Variants in PHTF2 observed in about 807,000 individuals in gnomAD.
PHTF2 encodes protein PHTF2.
Under a neutral mutation model 101.2 loss-of-function variants are expected in PHTF2, and 60 were observed. The observed-to-expected ratio is 0.59, with a 90% confidence interval of 0.48 to 0.73. The LOEUF (loss-of-function observed/expected upper bound fraction) is 0.73. PHTF2 is among the 30% of genes least tolerant of loss of function. The probability of loss-of-function intolerance (pLI) is 0.00; values close to 1 mark genes in which losing one functional copy is unlikely to be tolerated. For missense variants in PHTF2, 747 were observed against 908.7 expected, an observed-to-expected ratio of 0.82 and a Z score of 2.29; for synonymous variants, 311 against 307.3, an observed-to-expected ratio of 1.01 and a Z score of -0.13.
chr7:77,910,544 A>G (rs1197035365), intron 9 of PHTF2, 135 bp downstream of exon 8: 2 of 629,824 alleles, frequency 3.2e-6, no homozygotes, highest in East Asian at 2.8e-5. Context: ...ATAAATTATA[A>G]TAGTATAGAT....
At chr7:77,931,479 G>GT (rs1205894885) in intron 12 of PHTF2, among the ~76,000 whole-genome samples, 1 of 152,188 alleles carries the variant, frequency 6.6e-6, no homozygotes, top group Non-Finnish European at 1.5e-5. Flanking sequence ...AGTGAAGATG[G>GT]TCAGCCTTGC....
At chr7:77,898,063 CTATT>C (rs1801040477) in intron 5 of PHTF2, among the ~76,000 whole-genome samples, 2 of 150,854 alleles carry the variant, frequency 1.3e-5, no homozygotes, top group African/African-American at 4.9e-5. Flanking sequence ...TTGAAACTGG[CTATT>C]AGGGTGTGGC....
chr7:77,929,390 A>G lies in PHTF2; in HGVS notation c.1338+63A>G. 3.7e-6 allele frequency: 3 copies of G among 820,504 alleles called. No homozygotes were observed. The South Asian group carries it at 4.6e-5, about 13-fold the overall frequency. The allele number at this position is 820,504 out of a possible 1,614,324, so 50.8% of individuals were successfully genotyped here. A position where few individuals can be genotyped will look rare whatever the true frequency, so the allele number is the denominator to read the frequency against. On this transcript the variant is annotated intron_variant, in intron 12 of 19. Coordinates refer to ENST00000416283, the Ensembl canonical transcript of PHTF2. ...CAAGCTCCTTTGAATTTATGTTCAAATGTTACAGAGGTGAAGAAAAAGCTT... is the reference window on the plus strand; with the variant it reads ...CAAGCTCCTTTGAATTTATGTTCAAGTGTTACAGAGGTGAAGAAAAAGCTT...
At chr7:77,816,959 A>G (rs1793899052) in intron 1 of PHTF2, among the ~76,000 whole-genome samples, 1 of 152,198 alleles carries the variant, frequency 6.6e-6, no homozygotes, top group African/African-American at 2.4e-5. Flanking sequence ...TTCTTTATCC[A>G]TTCATCTGTT....
intron 16 of PHTF2, among the ~76,000 whole-genome samples, chr7:77,947,814 A>G (rs368464283): frequency 1.1e-5 from 1 of 89,662 alleles, no homozygotes; most frequent in African/African-American, 4.1e-5. Context: ...ATGAAGATTT[A>G]TTTTCTTTTT....
intron 2 of PHTF2, among the ~76,000 whole-genome samples, chr7:77,847,931 G>A (rs1440506192): frequency 6.6e-6 from 1 of 151,926 alleles, no homozygotes; most frequent in Non-Finnish European, 1.5e-5. Context: ...TTAATTTTTA[G>A]CTCCCACAAA....
At chr7:77,800,554 A>T (rs984620798) in intron 1 of PHTF2, among the ~76,000 whole-genome samples, 3 of 152,240 alleles carry the variant, frequency 2.0e-5, no homozygotes, top group Admixed American at 2.0e-4. Context: ...AGCCTCCAAG[A>T]GTAAACTTTT....
intron 2 of PHTF2, among the ~76,000 whole-genome samples, chr7:77,848,565 T>C (rs796302813): frequency 2.0e-5 from 3 of 152,334 alleles, no homozygotes; most frequent in African/African-American, 7.2e-5. Context: ...TATTAGATTT[T>C]TTTCCTATAG....
chr7:77,812,095 A>G (rs1793486142), intron 1 of PHTF2, among the ~76,000 whole-genome samples: 1 of 152,208 alleles, frequency 6.6e-6, no homozygotes, highest in African/African-American at 2.4e-5. Flanking sequence ...CTTAGATCTT[A>G]TCTGATGAGA....
At chr7:77,953,632 C>T in intron 18 of PHTF2, 137 bp from the exon 18 acceptor site, 1 of 600,962 alleles carries the variant, frequency 1.7e-6, no homozygotes, top group East Asian at 3.0e-5. Flanking sequence ...CAAGTTTAAC[C>T]AAGTTTATCC....
chr7:77,884,841 G>A (rs1799693090), intron 3 of PHTF2, among the ~76,000 whole-genome samples: 1 of 152,216 alleles, frequency 6.6e-6, no homozygotes, highest in Non-Finnish European at 1.5e-5. Flanking sequence ...AGAGATTGCA[G>A]TGAGCCAAGA....
At chr7:77,901,999 G>A (rs966539467) in intron 7 of PHTF2, 79 bp downstream of exon 6, 51 of 713,468 alleles carry the variant, frequency 7.1e-5, no homozygotes, top group Middle Eastern at 2.7e-4. Context: ...TTAAACATAT[G>A]CTAACTACTA....
intron 3 of PHTF2, among the ~76,000 whole-genome samples, chr7:77,885,419 G>A (rs1252639951): frequency 2.6e-5 from 4 of 151,936 alleles, no homozygotes; most frequent in Non-Finnish European, 5.9e-5. Flanking sequence ...AAGACATTCT[G>A]TAATCTCTTG....
intron 7 of PHTF2, chr7:77,907,957 G>A (rs1802021783): frequency 6.6e-6 from 1 of 152,024 alleles, no homozygotes; most frequent in Non-Finnish European, 1.5e-5. Context: ...ACATTCTTAG[G>A]TTGGCTCTTT....
intron 5 of PHTF2, among the ~76,000 whole-genome samples, chr7:77,897,901 G>A (rs1801017332): frequency 6.6e-6 from 1 of 151,350 alleles, no homozygotes; most frequent in Admixed American, 6.6e-5. Flanking sequence ...GGCTGGTCTT[G>A]AACTCCTGAC....
At chr7:77,941,691 T>C (rs747931315) in intron 15 of PHTF2, among the ~76,000 whole-genome samples, 1 of 152,188 alleles carries the variant, frequency 6.6e-6, no homozygotes, top group Non-Finnish European at 1.5e-5. Context: ...ATCCATTTGC[T>C]TCTCTTTGTT....
At chr7:77,953,634 A>G in intron 18 of PHTF2, 135 bp from the exon 18 acceptor site, 1 of 648,120 alleles carries the variant, frequency 1.5e-6, no homozygotes, top group Non-Finnish European at 2.5e-6. Context: ...AGTTTAACCA[A>G]GTTTATCCTT....
At chr7:77,899,354 AT>A (rs147576929) in intron 5 of PHTF2, among the ~76,000 whole-genome samples, 144 of 147,940 alleles carry the variant, frequency 9.7e-4, no homozygotes, top group African/African-American at 2.3e-3. Context: ...GGGTGACTCA[AT>A]TTTTTTTTTT....
intron 1 of PHTF2, among the ~76,000 whole-genome samples, chr7:77,818,322 A>T (rs1259944211): frequency 6.6e-6 from 1 of 152,160 alleles, no homozygotes; most frequent in African/African-American, 2.4e-5. Flanking sequence ...TTATTCATAA[A>T]ATCTTTTCCC....
Sources: allele counts gnomAD v4.1 joint callset (sites outside exome capture counted in the v4.1 genomes callset), GRCh38; gene constraint gnomAD v4.1.1; transcripts MANE v1.5; gene names NCBI Gene and HGNC (gene_info 2026-07-23, HGNC 2026-07-21).